Variants in CCDC198 observed in about 807,000 individuals in gnomAD.
The protein encoded by CCDC198 is coiled-coil domain containing 198, also known as factor associated with metabolism and energy.
In CCDC198, 18 loss-of-function variants were observed where a neutral mutation model predicts 35.6. The ratio of observed to expected loss-of-function variants is 0.51; its 90% CI spans 0.35 to 0.75. The LOEUF is 0.75. Ranked by LOEUF, CCDC198 falls within the 30% of genes least tolerant of loss-of-function variation. The pLI is 0.01. For synonymous variants in CCDC198, 119 were observed against 113.4 expected (o/e 1.05, Z -0.31); for missense variants, 365 against 343.7 (o/e 1.06, Z -0.49).
intron 2 of CCDC198, among the ~76,000 whole-genome samples, chr14:57,489,393 G>A (rs955610189): frequency 2.0e-5 from 3 of 152,086 alleles, no homozygotes; most frequent in Non-Finnish European, 2.9e-5. Flanking sequence ...GAGAGGGAGA[G>A]CATCAGGAAG....
rs754074506 is a variant in CCDC198, at chr14:57,491,054, A to C, written c.241T>G (p.Phe81Val). 6.2e-7 allele frequency: 1 copy of C among 1,611,478 alleles called. No individual in the cohort carries two copies. The highest frequency in any genetic ancestry group is 2.2e-5 in the East Asian group (1 of 44,790). The change falls in exon 2 of 6, where the codon TTT (phenylalanine) becomes GTT (valine). Residue 81 changes from phenylalanine (F) to valine (V), a missense_variant. Coordinates refer to ENST00000216445, the MANE Select transcript of CCDC198 (RefSeq NM_018168.4). ...RYSTASRDMY[F>V]DIPLEHRETS... ...TCTCTGTGTTCCAGTGGGATGTCAAAATACATGTCTCTGGATGCTTGAAGG... is the reference window on the plus strand; with the variant it reads ...TCTCTGTGTTCCAGTGGGATGTCAACATACATGTCTCTGGATGCTTGAAGG...
rs747040873 is a variant in CCDC198, at chr14:57,471,333, T to G, written c.*22A>C. 6.4e-7 allele frequency: 1 copy of G among 1,566,106 alleles called. No individual in the cohort carries two copies. The highest frequency in any genetic ancestry group is 8.8e-7 in the Non-Finnish European group (1 of 1,141,396). ...AAACAAGCTTTCAAAGCACTCAGTTTCTAGGTTAATGAATAGTATTCTTAT... is the reference window on the plus strand; with the variant it reads ...AAACAAGCTTTCAAAGCACTCAGTTGCTAGGTTAATGAATAGTATTCTTAT... On this transcript the variant is annotated 3_prime_UTR_variant, in exon 6 of 6. Coordinates refer to ENST00000216445, the MANE Select transcript of CCDC198 (RefSeq NM_018168.4).
In CCDC198 at chr14:57,471,101, G is replaced by C. The variant is rs1048857133; in HGVS notation, c.*254C>G. 2.7e-6 allele frequency: 1 copy of C among 374,722 alleles called. No individual in the cohort carries two copies. The highest frequency in any genetic ancestry group is 4.8e-6 in the Non-Finnish European group (1 of 207,832). 23.2% of individuals were successfully genotyped at this position (374,722 alleles called of 1,614,324 possible). On this transcript the variant is annotated 3_prime_UTR_variant, in exon 6 of 6. Coordinates refer to ENST00000216445, the MANE Select transcript of CCDC198 (RefSeq NM_018168.4). ...GGAACAGCAGAAGAACCACCTAGCT[G>C]AACTCAGCAACCCACAGGAAAGTGA... is the stretch of plus-strand genomic sequence containing the variant.
In CCDC198 at chr14:57,493,776, A is replaced by G. The variant is rs113317368; in HGVS notation, c.-61T>C. 10 of 1,263,900 alleles carry G rather than the reference A, an allele frequency of 7.9e-6. No individual in the cohort carries two copies. The highest frequency in any genetic ancestry group is 3.0e-5 in the African/African-American group (2 of 66,990). The allele number at this position is 1,263,900 out of a possible 1,614,324, so 78.3% of individuals were successfully genotyped here. A position where few individuals can be genotyped will look rare whatever the true frequency, so the allele number is the denominator to read the frequency against. On this transcript the variant is annotated 5_prime_UTR_variant, in exon 1 of 6. Coordinates refer to ENST00000216445, the MANE Select transcript of CCDC198 (RefSeq NM_018168.4). Reference sequence around the variant, plus strand: ...GAAGTGGTTTTGGGGTCTTTAATATAGCTTATTTTAATCAAAGCATTTCAG... The same window carrying G: ...GAAGTGGTTTTGGGGTCTTTAATATGGCTTATTTTAATCAAAGCATTTCAG...
intron 5 of CCDC198, among the ~76,000 whole-genome samples, chr14:57,472,237 C>A (rs1484296844): frequency 6.6e-6 from 1 of 152,040 alleles, no homozygotes; most frequent in African/African-American, 2.4e-5. Context: ...CAAGAATACT[C>A]TTCTACCCTT....
chr14:57,490,309 C>G (rs2139561036), intron 2 of CCDC198, among the ~76,000 whole-genome samples: 1 of 152,286 alleles, frequency 6.6e-6, no homozygotes, highest in Non-Finnish European at 1.5e-5. Flanking sequence ...AAATGTATAG[C>G]TAGCTGCAGA....
chr14:57,471,396 CT>C lies in CCDC198; in HGVS notation c.849del (p.Glu284ArgfsTer19), dbSNP rs771965488. On this transcript the variant is annotated frameshift_variant, in exon 6 of 6. Transcript: ENST00000216445. LOFTEE classifies it high-confidence loss of function. The stretch of plus-strand genomic sequence containing the variant: ...AACTCATCGAAAAGTGGGATTCTCT[CT>C]GTCCTGGTCCTCACCAGTGCTCGTG... ...KKPRALVRTR[T>X]ERIPLFDEFF... The C allele has an allele frequency of 1.2e-6, 2 of 1,613,854 alleles. No homozygotes were observed. The highest frequency in any genetic ancestry group is 3.3e-5 in the Admixed American group (2 of 59,956).
intron 5 of CCDC198, among the ~76,000 whole-genome samples, chr14:57,480,008 A>T (rs2067129553): frequency 6.6e-6 from 1 of 152,218 alleles, no homozygotes; most frequent in Non-Finnish European, 1.5e-5. Flanking sequence ...TTTTACTGCT[A>T]GGTGATATCA....
At chr14:57,478,860 T>C in intron 5 of CCDC198, 1 of 1,152,504 alleles carries the variant, frequency 8.7e-7, no homozygotes, top group Non-Finnish European at 1.1e-6. Context: ...AGTGTCTCTT[T>C]CAGCAGGCAA....
At chr14:57,491,461 A>G (rs538870911) in intron 1 of CCDC198, among the ~76,000 whole-genome samples, 1 of 152,272 alleles carries the variant, frequency 6.6e-6, no homozygotes, top group East Asian at 1.9e-4. Context: ...AGAAAAATAT[A>G]TAACTTTAAA....
chr14:57,481,238 C>T (rs1471144890), intron 4 of CCDC198, among the ~76,000 whole-genome samples: 1 of 152,156 alleles, frequency 6.6e-6, no homozygotes, highest in African/African-American at 2.4e-5. Context: ...GAACAACTCA[C>T]CCCCTCCTCC....
rs1261517699 is a variant in CCDC198 at position 57,480,638 on chromosome 14, G to T, written c.612C>A (p.Asp204Glu). ...LQSTPRNDDH[D>E]LLTMLPDEIL... Reference sequence around the variant, plus strand: ...TTTCATCAGGCAACATGGTTAGAAGGTCATGGTCATCATTCCTTGGGGTGC... The same window carrying T: ...TTTCATCAGGCAACATGGTTAGAAGTTCATGGTCATCATTCCTTGGGGTGC... The change falls in exon 5 of 6, where the codon GAC becomes GAA. Residue 204 changes from aspartate (D) to glutamate (E), a missense_variant. Transcript: ENST00000216445. The T allele has an allele frequency of 5.0e-6, 8 of 1,614,046 alleles. No individual in the cohort carries two copies. The highest frequency in any genetic ancestry group is 1.3e-5 in the African/African-American group (1 of 74,930).
At chr14:57,477,043 A>C (rs752557956) in intron 5 of CCDC198, among the ~76,000 whole-genome samples, 1 of 152,344 alleles carries the variant, frequency 6.6e-6, no homozygotes. Flanking sequence ...GTGACCTTGC[A>C]TATGTGACTG....
chr14:57,474,668 A>G (rs1387022793), intron 5 of CCDC198, among the ~76,000 whole-genome samples: 1 of 152,238 alleles, frequency 6.6e-6, no homozygotes, highest in Non-Finnish European at 1.5e-5. Context: ...TACTTGTTAC[A>G]TTTTTATAAA....
intron 2 of CCDC198, among the ~76,000 whole-genome samples, chr14:57,489,025 A>G (rs2074690865): frequency 6.6e-6 from 1 of 152,216 alleles, no homozygotes; most frequent in South Asian, 2.1e-4. Flanking sequence ...GTTACTGGGT[A>G]TATACCCAAA....
chr14:57,471,731 T>A (rs200000398), intron 5 of CCDC198, 141 bp from the exon 6 acceptor site: 44 of 3,788 alleles, frequency 0.012, no homozygotes, highest in Middle Eastern at 0.5. Context: ...ATATATATAA[T>A]ATATATATAT....
intron 3 of CCDC198, 83 bp from the exon 4 acceptor site, chr14:57,481,743 G>C (rs767692433): frequency 7.0e-6 from 6 of 863,098 alleles, no homozygotes; most frequent in African/African-American, 1.7e-5. Flanking sequence ...TTTTGAAACA[G>C]AGTCAGATCT....
intron 2 of CCDC198, among the ~76,000 whole-genome samples, chr14:57,489,873 T>A (rs945216566): frequency 6.6e-6 from 1 of 152,158 alleles, no homozygotes; most frequent in African/African-American, 2.4e-5. Flanking sequence ...GATTTAGGAA[T>A]AAAACACATT....
intron 4 of CCDC198, 89 bp from the exon 5 acceptor site, chr14:57,480,843 G>T: frequency 7.4e-7 from 1 of 1,354,420 alleles, no homozygotes; most frequent in Non-Finnish European, 1.0e-6. Context: ...TGCAAGTTGT[G>T]TGCTTATCTG....
Sources: allele counts gnomAD v4.1 joint callset (sites outside exome capture counted in the v4.1 genomes callset), GRCh38; gene constraint gnomAD v4.1.1; transcripts MANE v1.5; gene names NCBI Gene and HGNC (gene_info 2026-07-23, HGNC 2026-07-21).